FRY: variants seen among roughly 807,000 people sequenced by gnomAD.
The protein encoded by FRY is protein furry homolog.
FRY carries 128 observed loss-of-function variants against 348.4 expected under a neutral mutation model. That is an observed-to-expected ratio of 0.37 (90% CI 0.32 to 0.43). The LOEUF is 0.43. Ranked by LOEUF, FRY falls within the 20% of genes least tolerant of loss-of-function variation. FRY has a pLI of 1.00. For missense variants in FRY, 2,736 were observed against 3,695.2 expected, an observed-to-expected ratio of 0.74 and a Z score of 6.73; for synonymous variants, 1,370 against 1,374.7, an observed-to-expected ratio of 1.00 and a Z score of 0.08.
At chr13:32,283,355 G>T (rs538636110) in intron 58 of FRY, among the ~76,000 whole-genome samples, 1 of 152,172 alleles carries the variant, frequency 6.6e-6, no homozygotes, top group East Asian at 1.9e-4. Context: ...GAATGCAAGA[G>T]CCAGGCACCA....
chr13:32,289,195 C>T (rs927649115), intron 58 of FRY, among the ~76,000 whole-genome samples: 4 of 152,104 alleles, frequency 2.6e-5, no homozygotes, highest in Non-Finnish European at 5.9e-5. Flanking sequence ...TTTACACAAG[C>T]CCAGGCGTCT....
chr13:32,081,946 A>G (rs996547229), intron 2 of FRY, among the ~76,000 whole-genome samples: 6 of 152,178 alleles, frequency 3.9e-5, no homozygotes, highest in Non-Finnish European at 8.8e-5. Context: ...TAAAACCCTG[A>G]ATTTATGCGG....
chr13:32,227,076 C>G (rs1356548133), intron 39 of FRY, among the ~76,000 whole-genome samples: 1 of 152,048 alleles, frequency 6.6e-6, no homozygotes, highest in Non-Finnish European at 1.5e-5. Context: ...TCTGTGTAAT[C>G]AGTTTTGCAT....
rs116470488 is a variant in FRY, at chr13:32,134,720, A to G, written c.886-184A>G. On this transcript the variant is annotated intron_variant, in intron 8 of 60. Coordinates refer to ENST00000542859, the MANE Select transcript of FRY (RefSeq NM_023037.3). ...AAACCAGCCTTGCAGAATGTCATTG[A>G]GGCCATTGCAAACATACAAATTTCA... Among the ~76,000 whole-genome samples the G allele has an allele frequency of 5.7e-3, 864 of 152,374 alleles. 10 individuals carry two copies. Among genetic ancestry groups the G allele is most frequent in the African/African-American group, 0.02 (812 of 41,588 alleles).
intron 2 of FRY, among the ~76,000 whole-genome samples, chr13:32,089,522 G>A (rs1876110475): frequency 1.3e-5 from 2 of 152,086 alleles, no homozygotes; most frequent in South Asian, 2.1e-4. Flanking sequence ...CAGCACCTTG[G>A]GAGGCTGAGG....
chr13:32,171,273 G>A lies in FRY; in HGVS notation c.2151+3G>A, dbSNP rs1170192993. 2 of 1,302,466 alleles carry A rather than the reference G, an allele frequency of 1.5e-6. No homozygotes were observed. Among genetic ancestry groups the A allele is most frequent in the Non-Finnish European group, 2.2e-6 (2 of 918,918 alleles). The allele number at this position is 1,302,466 out of a possible 1,614,324, so 80.7% of individuals were successfully genotyped here. A position where few individuals can be genotyped will look rare whatever the true frequency, so the allele number is the denominator to read the frequency against. Reference sequence around the variant, plus strand: ...CCAACAAAATCAGAAATTCAGAGGTGATTTTCACACCTTACCCATGAATTT... The same window carrying A: ...CCAACAAAATCAGAAATTCAGAGGTAATTTTCACACCTTACCCATGAATTT... On this transcript the variant is annotated splice_donor_region_variant and intron_variant, in intron 18 of 60. Transcript: ENST00000542859.
chr13:32,064,938 C>T (rs1232018412), intron 1 of FRY, among the ~76,000 whole-genome samples: 1 of 152,126 alleles, frequency 6.6e-6, no homozygotes, highest in African/African-American at 2.4e-5. Context: ...TAAATGACAC[C>T]TCCACTCATC....
In FRY at chr13:32,185,146, C is replaced by T. The variant is rs1206249499; in HGVS notation, c.3317C>T (p.Pro1106Leu). The change falls in exon 26 of 61, where the codon CCA (proline) becomes CTA (leucine). Residue 1106 changes from proline to leucine, a missense_variant and splice_region_variant. Pro to Leu is a moderately conservative substitution (Grantham distance 98). This residue lies in a region of FRY where 449 missense variants were observed against 576.9 expected (regional missense o/e 0.78). Coordinates refer to ENST00000542859, the MANE Select transcript of FRY (RefSeq NM_023037.3). ...AMVANLIQCV[P>L]VHHRRFLFPQ... ...GTGGCCAACTTGATTCAGTGTGTTCCAGGTACGGTGATCCGTTACAAGAAA... is the reference window on the plus strand; with the variant it reads ...GTGGCCAACTTGATTCAGTGTGTTCTAGGTACGGTGATCCGTTACAAGAAA... 6.2e-7 allele frequency: 1 copy of T among 1,613,038 alleles called. No homozygotes were observed. Among genetic ancestry groups the T allele is most frequent in the African/African-American group, 1.3e-5 (1 of 74,912 alleles).
chr13:32,074,098 G>A (rs1443159121), intron 1 of FRY, among the ~76,000 whole-genome samples: 6 of 152,116 alleles, frequency 3.9e-5, no homozygotes, highest in Non-Finnish European at 7.4e-5. Context: ...TATGCAGTCC[G>A]AAATAGATTT....
At chr13:32,292,924 G>C (rs1253367744) in intron 59 of FRY, among the ~76,000 whole-genome samples, 1 of 152,150 alleles carries the variant, frequency 6.6e-6, no homozygotes, top group East Asian at 1.9e-4. Flanking sequence ...TTAACATTAA[G>C]GCAAGATCCT....
intron 3 of FRY, among the ~76,000 whole-genome samples, chr13:32,106,487 G>A (rs1566074287): frequency 6.6e-6 from 1 of 152,242 alleles, no homozygotes; most frequent in East Asian, 1.9e-4. Context: ...ATCTTCTTGA[G>A]CAAGATTATT....
At chr13:32,031,970 GTTTTTC>G (rs1872247698) in intron 1 of FRY, 105 bp downstream of exon 1, 1 of 677,098 alleles carries the variant, frequency 1.5e-6, no homozygotes, top group Non-Finnish European at 2.6e-6. Context: ...AGCCGCGGAA[GTTTTTC>G]TTTTTTTCTT....
At chr13:32,187,976 A>G (rs1163794105) in intron 28 of FRY, among the ~76,000 whole-genome samples, 1 of 152,196 alleles carries the variant, frequency 6.6e-6, no homozygotes, top group Non-Finnish European at 1.5e-5. Flanking sequence ...TTTAAAAAAT[A>G]CTTCCTGATA....
intron 36 of FRY, among the ~76,000 whole-genome samples, chr13:32,221,021 C>T (rs1413665807): frequency 1.3e-5 from 2 of 152,216 alleles, no homozygotes; most frequent in Non-Finnish European, 2.9e-5. Flanking sequence ...TTATAGGGTT[C>T]TGGCTGCTCA....
At chr13:32,219,264 A>AT (rs1011510388) in intron 36 of FRY, among the ~76,000 whole-genome samples, 2 of 148,938 alleles carry the variant, frequency 1.3e-5, no homozygotes, top group Non-Finnish European at 3.0e-5. Flanking sequence ...AATTTTTTGT[A>AT]TTTTTTAGTA....
chr13:32,120,231 GT>G (rs1345541280), intron 4 of FRY, among the ~76,000 whole-genome samples: 2 of 152,018 alleles, frequency 1.3e-5, no homozygotes, highest in Admixed American at 1.3e-4. Context: ...TTCACATTTT[GT>G]AGATGGAGAA....
At chr13:32,282,544 C>T (rs903032585) in intron 58 of FRY, among the ~76,000 whole-genome samples, 2 of 152,176 alleles carry the variant, frequency 1.3e-5, no homozygotes, top group African/African-American at 4.8e-5. Context: ...CATATGAAAG[C>T]TTCTCAACCC....
At chr13:32,103,846 G>C (rs1462903568) in intron 3 of FRY, among the ~76,000 whole-genome samples, 2 of 151,950 alleles carry the variant, frequency 1.3e-5, no homozygotes, top group African/African-American at 4.8e-5. Context: ...ACATGTCTGT[G>C]GTCCCAGCTA....
At position 32,206,447 on chromosome 13, in the gene FRY, T is replaced by C. The variant is rs115446555; in HGVS notation, c.4019-2406T>C. Among the ~76,000 whole-genome samples the C allele has an allele frequency of 6.5e-3, 987 of 152,320 alleles. 14 individuals are homozygous for C. Among genetic ancestry groups the C allele is most frequent in the African/African-American group, 0.023 (938 of 41,572 alleles). ...GATTCATTGGTAACTGTCAGTAGTT[T>C]CTGCAGGGAGGTAGTGGCAGAAGCC... On this transcript the variant is annotated intron_variant, in intron 31 of 60. Transcript: ENST00000542859.
Sources: allele counts gnomAD v4.1 joint callset (sites outside exome capture counted in the v4.1 genomes callset), GRCh38; gene constraint gnomAD v4.1.1; regional missense constraint gnomAD v4.1.1; transcripts MANE v1.5; gene names NCBI Gene and HGNC (gene_info 2026-07-23, HGNC 2026-07-21).